The following TEAD3 variants were observed in gnomAD, a reference collection of about 807,000 sequenced individuals.
TEAD3 encodes transcriptional enhancer factor TEF-5.
A neutral mutation model predicts 55.6 loss-of-function variants in TEAD3; 15 were observed. The observed-to-expected ratio is 0.27, with a 90% CI of 0.18 to 0.42. The LOEUF (loss-of-function observed/expected upper bound fraction) is 0.42, where lower values mean the gene tolerates loss of function less well. Among genes scored for constraint, TEAD3 ranks in the 10% least tolerant of loss-of-function variants. The probability of loss-of-function intolerance (pLI) is 1.00; values close to 1 mark genes in which losing one functional copy is unlikely to be tolerated. For missense variants in TEAD3, 407 were observed against 576.8 expected (o/e 0.71, Z 3.01); for synonymous variants, 210 against 232.2 (o/e 0.90, Z 0.87).
rs908080682 is a variant in TEAD3 at position 35,485,862 on chromosome 6, G to T, written c.202+599C>A. 2.0e-5 allele frequency among the ~76,000 whole-genome samples: 3 copies of T among 152,152 alleles called. No homozygotes were observed. The highest frequency in any genetic ancestry group is 7.2e-5 in the African/African-American group (3 of 41,448). On this transcript the variant is annotated intron_variant, in intron 2 of 12. Transcript: ENST00000639578. This position sits in a 1 kb window ranked among gnomAD's most constrained non-coding sequence, Gnocchi z 4.3. ...GCCAGGAACCAGGCCCAGAAGGGTC[G>T]AGTTATCCCAAAAATGCAGCTCTGG...
chr6:35,482,570 G>A (rs1768285928), intron 3 of TEAD3, among the ~76,000 whole-genome samples: 1 of 152,028 alleles, frequency 6.6e-6, no homozygotes, highest in Non-Finnish European at 1.5e-5. Flanking sequence ...TGAATTCAGG[G>A]GCTGGGATGT....
At position 35,476,424 on chromosome 6, in the gene TEAD3, G is replaced by C. The variant is rs756243753; in HGVS notation, c.604C>G (p.Leu202Val). The C allele has an allele frequency of 5.0e-6, 8 of 1,612,914 alleles. No individual in the cohort carries two copies. The African/African-American group carries it at 1.1e-4, about 22-fold the overall frequency. ...GCAGCAGCTGAGGGGAGCGGGGCCA[G>C]GGGCTCATAACCTGGGAGGGCGAGA... The change falls in exon 9 of 13, where the codon CTG becomes GTG. Residue 202 changes from leucine to valine, a missense_variant. Physicochemically the swap from Leu to Val is conservative, Grantham distance 32 (BLOSUM62 1). Transcript: ENST00000639578.
chr6:35,481,372 C>G (rs1468322517), intron 3 of TEAD3, among the ~76,000 whole-genome samples: 1 of 152,110 alleles, frequency 6.6e-6, no homozygotes, highest in Admixed American at 6.5e-5. Flanking sequence ...TGGCAATTGG[C>G]TTTCTTTGCG....
rs1297874828 is a variant in TEAD3 at position 35,486,639 on chromosome 6, G to A, written c.24C>T (p.Ala8=). Reference sequence around the variant, plus strand: ...CCCGGGCCTCCCCGGGGCTGCTGCTGGCGTTCCAGCTGTTGGACGCTATTG... The same window carrying A: ...CCCGGGCCTCCCCGGGGCTGCTGCTAGCGTTCCAGCTGTTGGACGCTATTG... Residue 8 remains alanine (A), a synonymous_variant, in exon 2 of 13, where the codon GCC becomes GCT. Coordinates refer to ENST00000639578, the Ensembl canonical transcript of TEAD3. The surrounding 1 kb of genome is among the most constrained non-coding windows in gnomAD (Gnocchi z 7.3). 6.2e-7 allele frequency: 1 copy of A among 1,612,960 alleles called. No individual in the cohort carries two copies. Among genetic ancestry groups the A allele is most frequent in the Non-Finnish European group, 8.5e-7 (1 of 1,179,752 alleles).
chr6:35,484,696 C>T lies in TEAD3; in HGVS notation c.203-72G>A. ...CCAGAGGCTGGAGGCCCCCACCCCA[C>T]CGGGAAGCCACTCCAGGACCCTCCC... On this transcript the variant is annotated intron_variant, in intron 2 of 12. Transcript: ENST00000639578. This position sits in a 1 kb window ranked among gnomAD's most constrained non-coding sequence, Gnocchi z 5.8. 7.3e-7 allele frequency: 1 copy of T among 1,378,686 alleles called. No homozygotes were observed. Among genetic ancestry groups the T allele is most frequent in the Non-Finnish European group, 1.0e-6 (1 of 990,632 alleles). 85.4% of individuals were successfully genotyped at this position (1,378,686 alleles called of 1,614,324 possible). A position where few individuals can be genotyped will look rare whatever the true frequency, so the allele number is the denominator to read the frequency against.
Position 35,484,786 on chromosome 6 carries a change from G to A in TEAD3, c.203-162C>T, listed in dbSNP as rs1768339616. On this transcript the variant is annotated intron_variant, in intron 2 of 12. Coordinates refer to ENST00000639578, the Ensembl canonical transcript of TEAD3. The surrounding 1 kb of genome is among the most constrained non-coding windows in gnomAD (Gnocchi z 5.8). ...AGCTGCACATGCAGGGCATGCAAAG[G>A]TGGCTGGGGAGTCACAGCTGCATCC... Among the ~76,000 whole-genome samples, 1 of 152,194 alleles carries A rather than the reference G, an allele frequency of 6.6e-6. No homozygotes were observed. Among genetic ancestry groups the A allele is most frequent in the South Asian group, 2.1e-4 (1 of 4,832 alleles).
At chr6:35,493,632 T>G (rs1345265906) in intron 1 of TEAD3, among the ~76,000 whole-genome samples, 1 of 152,236 alleles carries the variant, frequency 6.6e-6, no homozygotes, top group Non-Finnish European at 1.5e-5. Context: ...TTTACTCGCA[T>G]GTAGTGTCAC....
intron 3 of TEAD3, among the ~76,000 whole-genome samples, chr6:35,481,254 G>A (rs1768260505): frequency 6.6e-6 from 1 of 152,100 alleles, no homozygotes; most frequent in Non-Finnish European, 1.5e-5. Context: ...TGACACCACA[G>A]ACCCTTGACC....
Position 35,477,405 on chromosome 6 carries a change from T to C in TEAD3, c.531-33A>G, listed in dbSNP as rs200818111. 6.5e-4 allele frequency: 1,032 copies of C among 1,582,760 alleles called. 3 individuals are homozygous for C. Among genetic ancestry groups the C allele is most frequent in the Non-Finnish European group, 6.3e-4 (744 of 1,172,056 alleles). On this transcript the variant is annotated intron_variant, in intron 7 of 12. Transcript: ENST00000639578. ...CAGGAGCACAGCCTGGTGAGAGGGTTCCCTCTTCCCTACCTTCCACCTGGC... is the reference window on the plus strand; with the variant it reads ...CAGGAGCACAGCCTGGTGAGAGGGTCCCCTCTTCCCTACCTTCCACCTGGC...
chr6:35,482,775 AC>A (rs1768289822), intron 3 of TEAD3, among the ~76,000 whole-genome samples: 1 of 152,156 alleles, frequency 6.6e-6, no homozygotes, highest in African/African-American at 2.4e-5. Context: ...AAAAAAACCA[AC>A]AAAAAAACAG....
chr6:35,481,368 T>C (rs150236183), intron 3 of TEAD3, among the ~76,000 whole-genome samples: 45 of 152,238 alleles, frequency 3.0e-4, no homozygotes, highest in African/African-American at 1.0e-3. Context: ...GCATTGGCAA[T>C]TGGCTTTCTT....
chr6:35,477,365 G>A, exon 8 of TEAD3: 1 of 1,601,734 alleles, frequency 6.2e-7, no homozygotes, highest in Non-Finnish European at 8.5e-7. Context: ...TGTGCAAAGG[G>A]CTTGATGCTG....
chr6:35,486,439 G>T lies in TEAD3; in HGVS notation c.202+22C>A. 6.2e-7 allele frequency: 1 copy of T among 1,600,010 alleles called. No homozygotes were observed. The highest frequency in any genetic ancestry group is 8.5e-7 in the Non-Finnish European group (1 of 1,170,700). ...GAGCAGGGGGAAGGGCCGCAGTCCC[G>T]CCCGCGCCCCCCGGCACGCACCGTA... On this transcript the variant is annotated intron_variant, in intron 2 of 12. Transcript: ENST00000639578. This position sits in a 1 kb window ranked among gnomAD's most constrained non-coding sequence, Gnocchi z 7.3.
At chr6:35,480,325 T>A (rs1768241306) in intron 3 of TEAD3, 1 of 1,613,750 alleles carries the variant, frequency 6.2e-7, no homozygotes, top group African/African-American at 1.3e-5. Flanking sequence ...GATGCCAACC[T>A]GGTACTCCCG....
intron 1 of TEAD3, among the ~76,000 whole-genome samples, chr6:35,487,193 G>A (rs1361566667): frequency 6.6e-6 from 1 of 151,942 alleles, no homozygotes; most frequent in Non-Finnish European, 1.5e-5. Context: ...GCCGAGGTGG[G>A]TGGATCATTT....
In TEAD3 at chr6:35,486,728, C is replaced by G. The variant is rs11964048; in HGVS notation, c.-49-17G>C. 57,993 of 1,552,378 alleles carry G rather than the reference C, an allele frequency of 0.037. 1,619 individuals carry two copies. The highest frequency in any genetic ancestry group is 0.15 in the African/African-American group (11,082 of 73,930). ...CGGCTGAGCCTGGGGGACAGACAGA[C>G]AGGAACTGGGACCAGGGTCCTCCTC... On this transcript the variant is annotated splice_polypyrimidine_tract_variant and intron_variant, in intron 1 of 12. Coordinates refer to ENST00000639578, the Ensembl canonical transcript of TEAD3. This position sits in a 1 kb window ranked among gnomAD's most constrained non-coding sequence, Gnocchi z 7.3.
rs1768668734 is a variant in TEAD3 at position 35,496,693 on chromosome 6, G to A, written c.-50+205C>T. ...CAACTCGTCCCCGTCGCGGGGGGGTGGGGAGGGCGGGGGGCGGGGCTTCCC... is the reference window on the plus strand; with the variant it reads ...CAACTCGTCCCCGTCGCGGGGGGGTAGGGAGGGCGGGGGGCGGGGCTTCCC... On this transcript the variant is annotated intron_variant, in intron 1 of 12. Transcript: ENST00000639578. This position sits in a 1 kb window ranked among gnomAD's most constrained non-coding sequence, Gnocchi z 4.8. 6.6e-6 allele frequency among the ~76,000 whole-genome samples: 1 copy of A among 152,100 alleles called. No homozygotes were observed. Among genetic ancestry groups the A allele is most frequent in the Non-Finnish European group, 1.5e-5 (1 of 67,978 alleles).
chr6:35,484,249 CCATGTAGCAGCCACAGCAGCCCCGTGGG>C lies in TEAD3; in HGVS notation c.267+283_267+310del, dbSNP rs1465330905. On this transcript the variant is annotated intron_variant, in intron 3 of 12. Coordinates refer to ENST00000639578, the Ensembl canonical transcript of TEAD3. The surrounding 1 kb of genome is among the most constrained non-coding windows in gnomAD (Gnocchi z 5.8). ...GTGAGTGAGCCACTCAGGGCAGGGA[CCATGTAGCAGCCACAGCAGCCCCGTGGG>C]CTTATCTGTGGTCCCTGAACCACAG... is the stretch of plus-strand genomic sequence containing the variant. Among the ~76,000 whole-genome samples the C allele has an allele frequency of 6.6e-6, 1 of 152,200 alleles. No homozygotes were observed. Among genetic ancestry groups the C allele is most frequent in the African/African-American group, 2.4e-5 (1 of 41,446 alleles).
chr6:35,490,650 T>C (rs2150917412), intron 1 of TEAD3, among the ~76,000 whole-genome samples: 1 of 152,174 alleles, frequency 6.6e-6, no homozygotes, highest in East Asian at 1.9e-4. Context: ...GGGGTCTCAG[T>C]GGAAGGGAGT....
Sources: gnomAD v4.1 joint callset for allele counts (sites outside exome capture counted in the v4.1 genomes callset) on GRCh38, gnomAD v4.1.1 for gene constraint, Gnocchi (gnomAD v3.1) non-coding constraint, MANE v1.5 for transcripts, NCBI Gene and HGNC (gene_info 2026-07-23, HGNC 2026-07-21) for gene names.